Variants in TUT4 observed in about 807,000 individuals in gnomAD.
The protein encoded by TUT4 is terminal uridylyl transferase 4, also known as terminal uridylyltransferase 4.
In TUT4, 36 loss-of-function variants were observed where a neutral mutation model predicts 192.2. The ratio of observed to expected loss-of-function variants is 0.19; its 90% CI spans 0.14 to 0.25. The LOEUF is 0.25. Among genes scored for constraint, TUT4 ranks in the 10% least tolerant of loss-of-function variants. The pLI is 1.00. For missense variants in TUT4, 1,493 were observed against 1,957.2 expected (o/e 0.76, Z 4.47); for synonymous variants, 618 against 666.0 (o/e 0.93, Z 1.11).
chr1:52,516,333 A>T (rs557651492), intron 2 of TUT4, among the ~76,000 whole-genome samples: 122 of 152,164 alleles, frequency 8.0e-4, no homozygotes, highest in Non-Finnish European at 1.4e-3. Context: ...ACACAAAGCT[A>T]ATTACACAAA....
chr1:52,551,228 A>G (rs951631705), intron 1 of TUT4, among the ~76,000 whole-genome samples: 1 of 152,210 alleles, frequency 6.6e-6, no homozygotes, highest in African/African-American at 2.4e-5. Context: ...GGCCTATGAC[A>G]ATGAAAATAC....
intron 1 of TUT4, among the ~76,000 whole-genome samples, chr1:52,539,998 C>G (rs1187393524): frequency 6.6e-6 from 1 of 151,156 alleles, no homozygotes; most frequent in Non-Finnish European, 1.5e-5. Flanking sequence ...GCGGGCAGAT[C>G]ACGAGGTCAG....
At chr1:52,431,864 G>C (rs1030426031) in intron 27 of TUT4, 1 of 157,200 alleles carries the variant, frequency 6.4e-6, no homozygotes, top group Non-Finnish European at 1.4e-5. Flanking sequence ...CGTTTAAGGG[G>C]GATAAGGAAG....
chr1:52,463,694 GA>G (rs1663265492), intron 16 of TUT4: 2 of 1,304,230 alleles, frequency 1.5e-6, no homozygotes, highest in Non-Finnish European at 2.0e-6. Flanking sequence ...AGTTGCTGTT[GA>G]GAAGGCCTGG....
At chr1:52,427,292 G>C (rs1035980863) in intron 28 of TUT4, among the ~76,000 whole-genome samples, 1 of 152,046 alleles carries the variant, frequency 6.6e-6, no homozygotes, top group Admixed American at 6.6e-5. Context: ...AAGCTTTGAG[G>C]CAGCACAGAA....
intron 16 of TUT4, among the ~76,000 whole-genome samples, chr1:52,464,497 G>T (rs550870007): frequency 1.3e-5 from 2 of 152,070 alleles, no homozygotes; most frequent in East Asian, 1.9e-4. Flanking sequence ...CTCATGATCC[G>T]CCCACCTTGG....
At chr1:52,438,040 T>C (rs1208899091) in intron 25 of TUT4, among the ~76,000 whole-genome samples, 180 bp downstream of exon 25, 2 of 152,084 alleles carry the variant, frequency 1.3e-5, no homozygotes, top group African/African-American at 4.8e-5. Context: ...TGTTAGAAGA[T>C]ACTATTATAC....
chr1:52,479,347 G>C (rs2148939150), intron 11 of TUT4, among the ~76,000 whole-genome samples: 1 of 152,238 alleles, frequency 6.6e-6, no homozygotes, highest in Non-Finnish European at 1.5e-5. Flanking sequence ...TGATTTTTAA[G>C]AACAGACCAT....
chr1:52,520,579 C>T (rs1290362745), intron 2 of TUT4, among the ~76,000 whole-genome samples: 2 of 152,176 alleles, frequency 1.3e-5, no homozygotes, highest in Non-Finnish European at 2.9e-5. Context: ...TTCATATACA[C>T]ATTAAAGTTT....
intron 2 of TUT4, among the ~76,000 whole-genome samples, chr1:52,518,224 T>C (rs1210883942): frequency 6.6e-6 from 1 of 152,184 alleles, no homozygotes; most frequent in African/African-American, 2.4e-5. Flanking sequence ...AAACAAAATG[T>C]GGCATTGGTA....
chr1:52,424,770 C>T (rs1399192688), intron 29 of TUT4: 1 of 152,226 alleles, frequency 6.6e-6, no homozygotes, highest in African/African-American at 2.4e-5. Context: ...ATGATTATGT[C>T]TTCGTTCCAC....
chr1:52,537,108 C>T (rs976867310), intron 1 of TUT4, among the ~76,000 whole-genome samples: 1 of 151,698 alleles, frequency 6.6e-6, no homozygotes, highest in African/African-American at 2.4e-5. Flanking sequence ...TGCAGTGGGC[C>T]GAGATTGTGC....
At chr1:52,447,989 A>G (rs927114189) in intron 20 of TUT4, among the ~76,000 whole-genome samples, 2 of 152,242 alleles carry the variant, frequency 1.3e-5, no homozygotes, top group Admixed American at 1.3e-4. Flanking sequence ...TTTTGATGTG[A>G]CAGTGATTTA....
rs1207690516 is a variant in TUT4, at chr1:52,542,763, TTA to T, written c.-94+10166_-94+10167del. Among the ~76,000 whole-genome samples the T allele has an allele frequency of 2.9e-3, 426 of 147,712 alleles. 2 individuals are homozygous for T. Among genetic ancestry groups the T allele is most frequent in the African/African-American group, 0.01 (406 of 39,650 alleles). ...TCACCATTTCTTTTTATTTATTTAT[TTA>T]TTTATTTTTTTTTGAGGCAGAGTTT... is the stretch of plus-strand genomic sequence containing the variant. On this transcript the variant is annotated intron_variant, in intron 1 of 29. Coordinates refer to ENST00000257177, the MANE Select transcript of TUT4 (RefSeq NM_001009881.3).
intron 1 of TUT4, among the ~76,000 whole-genome samples, chr1:52,546,207 T>C (rs1027071886): frequency 2.6e-5 from 4 of 152,064 alleles, no homozygotes; most frequent in African/African-American, 9.7e-5. Context: ...TCTGGGTATA[T>C]ACCAAAAAAA....
chr1:52,462,887 T>C, intron 16 of TUT4: 4 of 985,338 alleles, frequency 4.1e-6, no homozygotes, highest in Non-Finnish European at 4.8e-6. Flanking sequence ...CTGAAGGGTA[T>C]AAACATCAAT....
Position 52,475,403 on chromosome 1 carries a change from G to A in TUT4, c.2156C>T (p.Thr719Ile). 2 of 1,613,992 alleles carry A rather than the reference G, an allele frequency of 1.2e-6. No homozygotes were observed. The highest frequency in any genetic ancestry group is 1.7e-6 in the Non-Finnish European group (2 of 1,180,010). ...CPQTKGGNKS[T>I]VDFKKREKGK... ...CTTCTCTCTTTTCTTGAAATCCACT[G>A]TAGACTTATTTCCACCCTTCGTCTG... Residue 719 changes from threonine (T) to isoleucine (I), a missense_variant, in exon 13 of 30, where the codon ACA becomes ATA. Around this residue, in one of 7 missense-constraint regions of TUT4, gnomAD observed 245 missense variants for 218.4 expected, o/e 1.12. Coordinates refer to ENST00000257177, the MANE Select transcript of TUT4 (RefSeq NM_001009881.3).
chr1:52,463,430 G>C (rs1158395536), intron 16 of TUT4: 3 of 1,022,670 alleles, frequency 2.9e-6, no homozygotes, highest in Non-Finnish European at 3.5e-6. Flanking sequence ...CTTATGGCCA[G>C]AAGTTAAGTC....
chr1:52,431,602 G>A lies in TUT4; in HGVS notation c.4264-142C>T, dbSNP rs531946122. On this transcript the variant is annotated intron_variant, in intron 27 of 29. Transcript: ENST00000257177. ...TAACAAATAATTAGTTTTTCCCAAG[G>A]TACTCAAACCCCCTTTTCAAGTAGG... The A allele has an allele frequency of 4.6e-6, 3 of 651,926 alleles. No individual in the cohort carries two copies. In the East Asian group the frequency reaches 9.8e-5, roughly 21 times the overall value. The allele number at this position is 651,926 out of a possible 1,614,324, so 40.4% of individuals were successfully genotyped here.
Sources: allele counts gnomAD v4.1 joint callset (sites outside exome capture counted in the v4.1 genomes callset), GRCh38; gene constraint gnomAD v4.1.1; regional missense constraint gnomAD v4.1.1; transcripts MANE v1.5; gene names NCBI Gene and HGNC (gene_info 2026-07-23, HGNC 2026-07-21).